Variants in R3HDM2 observed in about 807,000 individuals in gnomAD.
R3HDM2 encodes the protein R3H domain containing 2.
Under a neutral mutation model 124.5 loss-of-function variants are expected in R3HDM2, and 38 were observed. The ratio of observed to expected loss-of-function variants is 0.31; its 90% CI spans 0.24 to 0.40. R3HDM2 has a LOEUF of 0.40. Ranked by LOEUF, R3HDM2 falls within the 10% of genes least tolerant of loss-of-function variation. The pLI, the probability that R3HDM2 is intolerant of heterozygous loss-of-function variation, is 1.00. For missense variants in R3HDM2, 869 were observed against 1,236.9 expected (o/e 0.70, Z 4.46); for synonymous variants, 391 against 448.0 (o/e 0.87, Z 1.61).
chr12:57,297,135 T>C (rs1212901153), intron 8 of R3HDM2, 193 bp downstream of exon 8: 4 of 507,564 alleles, frequency 7.9e-6, no homozygotes, highest in Admixed American at 7.6e-5. Context: ...TTAAGAACAG[T>C]AAAATCTGGG....
intron 1 of R3HDM2, among the ~76,000 whole-genome samples, chr12:57,405,946 G>A (rs2068486669): frequency 6.6e-6 from 1 of 152,060 alleles, no homozygotes; most frequent in South Asian, 2.1e-4. Context: ...AAGACTAACA[G>A]GATCACATCC....
intron 2 of R3HDM2, among the ~76,000 whole-genome samples, chr12:57,369,373 C>T (rs1288463458): frequency 6.6e-6 from 1 of 152,170 alleles, no homozygotes; most frequent in Non-Finnish European, 1.5e-5. Flanking sequence ...CTGATGCGAA[C>T]TCAATTTTAT....
intron 2 of R3HDM2, among the ~76,000 whole-genome samples, chr12:57,387,209 G>A (rs1012229751): frequency 6.6e-6 from 1 of 152,114 alleles, no homozygotes. Context: ...CCACACTGTG[G>A]AAGCTTTGTT....
intron 1 of R3HDM2, among the ~76,000 whole-genome samples, chr12:57,396,724 G>C (rs1398958463): frequency 6.9e-6 from 1 of 145,940 alleles, no homozygotes; most frequent in Non-Finnish European, 1.5e-5. Context: ...GGTGCAGTGA[G>C]CTGAGATCAT....
chr12:57,384,198 A>AAAAAAATTAGCCGGGCAC (rs2065337084), intron 2 of R3HDM2, among the ~76,000 whole-genome samples: 3 of 151,942 alleles, frequency 2.0e-5, no homozygotes, highest in African/African-American at 7.3e-5. Flanking sequence ...ATACAACAAC[A>AAAAAAATTAGCCGGGCAC]AAAAAATTAG....
rs547368066 is a variant in R3HDM2, at chr12:57,319,282, C to T, written c.-35-8819G>A. On this transcript the variant is annotated intron_variant, in intron 2 of 23. Coordinates refer to ENST00000402412, the MANE Select transcript of R3HDM2 (RefSeq NM_001394031.1). The stretch of plus-strand genomic sequence containing the variant: ...AACTCCTGACCTCAAGTAATCTGCC[C>T]GCCTCAGCCTCCCAAAGTGCTAGGA... 4.6e-5 allele frequency among the ~76,000 whole-genome samples: 7 copies of T among 152,202 alleles called. No homozygotes were observed. In the East Asian group the frequency reaches 7.7e-4, roughly 17 times the overall value.
intron 23 of R3HDM2, among the ~76,000 whole-genome samples, chr12:57,255,545 G>C (rs1052652713): frequency 1.3e-5 from 2 of 152,140 alleles, no homozygotes; most frequent in Non-Finnish European, 2.9e-5. Context: ...ATCATCTCAG[G>C]AAGTCAAGTT....
At chr12:57,347,175 G>C (rs988397268) in intron 2 of R3HDM2, among the ~76,000 whole-genome samples, 4 of 152,070 alleles carry the variant, frequency 2.6e-5, no homozygotes, top group Non-Finnish European at 4.4e-5. Context: ...GAGTCCAGGA[G>C]TTTGAAGCTG....
intron 2 of R3HDM2, among the ~76,000 whole-genome samples, chr12:57,388,550 C>T (rs1347843569): frequency 6.6e-6 from 1 of 152,104 alleles, no homozygotes; most frequent in African/African-American, 2.4e-5. Context: ...ACACCTTGTG[C>T]AGTACTGACA....
chr12:57,383,608 T>C (rs1428816707), intron 2 of R3HDM2, among the ~76,000 whole-genome samples: 1 of 151,980 alleles, frequency 6.6e-6, no homozygotes, highest in Non-Finnish European at 1.5e-5. Flanking sequence ...CTCGGGAGGC[T>C]GAGGCAGGAG....
chr12:57,256,276 T>C (rs2038975289), intron 22 of R3HDM2, 138 bp downstream of exon 22: 3 of 885,792 alleles, frequency 3.4e-6, no homozygotes, highest in African/African-American at 1.7e-5. Flanking sequence ...GACATGAGTA[T>C]AGGAGGTAGG....
At chr12:57,427,664 TA>T (rs974814655) in intron 1 of R3HDM2, among the ~76,000 whole-genome samples, 5 of 150,556 alleles carry the variant, frequency 3.3e-5, no homozygotes, top group African/African-American at 4.9e-5. Context: ...AGCTTTCTAC[TA>T]GGGGAGATTA....
intron 13 of R3HDM2, among the ~76,000 whole-genome samples, chr12:57,282,275 CG>C (rs2046339379): frequency 7.1e-6 from 1 of 141,840 alleles, no homozygotes; most frequent in Non-Finnish European, 1.5e-5. Context: ...CGTGCCATTG[CG>C]TAACAAGAGC....
At chr12:57,298,435 A>T (rs1385704091) in intron 6 of R3HDM2, among the ~76,000 whole-genome samples, 2 of 152,316 alleles carry the variant, frequency 1.3e-5, no homozygotes, top group African/African-American at 4.8e-5. Flanking sequence ...GTATTTACTG[A>T]ATGTCCTGAT....
At chr12:57,426,920 C>T (rs2070792437) in intron 1 of R3HDM2, among the ~76,000 whole-genome samples, 2 of 152,164 alleles carry the variant, frequency 1.3e-5, no homozygotes, top group South Asian at 4.1e-4. Context: ...TCCTCCTTAC[C>T]TACTCAGTCA....
intron 13 of R3HDM2, 52 bp downstream of exon 13, chr12:57,283,772 G>C: frequency 6.4e-7 from 1 of 1,552,222 alleles, no homozygotes; most frequent in East Asian, 2.2e-5. Context: ...TGTTTCACAG[G>C]AGACAAGCAA....
chr12:57,386,652 A>G (rs913479247), intron 2 of R3HDM2, among the ~76,000 whole-genome samples: 4 of 152,336 alleles, frequency 2.6e-5, no homozygotes, highest in East Asian at 3.9e-4. Flanking sequence ...TGAGCAGTGC[A>G]GGCCCACTGT....
chr12:57,267,333 G>C (rs1354710115), intron 18 of R3HDM2, among the ~76,000 whole-genome samples: 1 of 152,212 alleles, frequency 6.6e-6, no homozygotes, highest in East Asian at 1.9e-4. Context: ...AAGGCAGGTG[G>C]ATCATGAGGT....
intron 2 of R3HDM2, among the ~76,000 whole-genome samples, chr12:57,327,718 G>A (rs747600506): frequency 6.6e-6 from 1 of 152,160 alleles, no homozygotes; most frequent in Non-Finnish European, 1.5e-5. Context: ...TCTGAAGATG[G>A]GGTGGAAATA....
Sources: gnomAD v4.1 joint callset for allele counts (sites outside exome capture counted in the v4.1 genomes callset) on GRCh38, gnomAD v4.1.1 for gene constraint, MANE v1.5 for transcripts, NCBI Gene and HGNC (gene_info 2026-07-23, HGNC 2026-07-21) for gene names.